Variants in GABRG3 observed in about 807,000 individuals in gnomAD.
GABRG3 encodes the protein gamma-aminobutyric acid receptor subunit gamma-3.
A neutral mutation model predicts 48.8 loss-of-function variants in GABRG3; 25 were observed. The observed-to-expected ratio is 0.51, with a 90% CI of 0.37 to 0.72. The LOEUF is 0.72. GABRG3 is among the 30% of genes least tolerant of loss of function. The probability of loss-of-function intolerance (pLI) is 0.00; values close to 1 mark genes in which losing one functional copy is unlikely to be tolerated. For synonymous variants in GABRG3, 227 were observed against 217.6 expected (o/e 1.04, Z -0.38); for missense variants, 394 against 577.9 (o/e 0.68, Z 3.26).
intron 3 of GABRG3, among the ~76,000 whole-genome samples, chr15:27,300,475 C>T (rs370225267): frequency 6.8e-6 from 1 of 146,942 alleles, no homozygotes; most frequent in Non-Finnish European, 1.5e-5. Flanking sequence ...ACCAGCCTGA[C>T]CAACATGGTG....
At chr15:27,022,704 G>T (rs907851826) in intron 2 of GABRG3, among the ~76,000 whole-genome samples, 1 of 152,028 alleles carries the variant, frequency 6.6e-6, no homozygotes, top group Non-Finnish European at 1.5e-5. Flanking sequence ...AGACAGACCC[G>T]CCCGGCCCTG....
At chr15:27,128,317 G>A (rs1021647774) in intron 3 of GABRG3, among the ~76,000 whole-genome samples, 1 of 152,194 alleles carries the variant, frequency 6.6e-6, no homozygotes, top group African/African-American at 2.4e-5. Flanking sequence ...TGTGGAGGGT[G>A]CTGGATGCCA....
intron 3 of GABRG3, among the ~76,000 whole-genome samples, chr15:27,303,810 G>T (rs1892299356): frequency 6.6e-6 from 1 of 151,108 alleles, no homozygotes; most frequent in South Asian, 2.1e-4. Flanking sequence ...GTGTGTGTGT[G>T]TGTGTATATA....
At chr15:27,444,260 C>T (rs1430743186) in intron 5 of GABRG3, among the ~76,000 whole-genome samples, 1 of 152,030 alleles carries the variant, frequency 6.6e-6, no homozygotes, top group Non-Finnish European at 1.5e-5. Context: ...TCTATTTATT[C>T]AAAAAGTATA....
At chr15:27,128,601 G>A (rs189801364) in intron 3 of GABRG3, among the ~76,000 whole-genome samples, 1 of 152,170 alleles carries the variant, frequency 6.6e-6, no homozygotes, top group Non-Finnish European at 1.5e-5. Context: ...TTTGGATGGG[G>A]CATTGATGAA....
At chr15:27,035,818 G>T (rs1896167439) in intron 3 of GABRG3, among the ~76,000 whole-genome samples, 1 of 152,188 alleles carries the variant, frequency 6.6e-6, no homozygotes, top group Non-Finnish European at 1.5e-5. Flanking sequence ...TGTGGAGAAT[G>T]GCGGTGGGGG....
At chr15:27,478,724 G>GA (rs1369623180) in intron 5 of GABRG3, among the ~76,000 whole-genome samples, 1 of 152,018 alleles carries the variant, frequency 6.6e-6, no homozygotes, top group Non-Finnish European at 1.5e-5. Context: ...TCATAATCGT[G>GA]AAAAAATGGA....
At chr15:27,439,188 G>A (rs1888707612) in intron 5 of GABRG3, among the ~76,000 whole-genome samples, 1 of 152,146 alleles carries the variant, frequency 6.6e-6, no homozygotes, top group South Asian at 2.1e-4. Context: ...CTCCAAACGG[G>A]AGATGAATCA....
At chr15:27,159,041 A>G (rs1898506502) in intron 3 of GABRG3, among the ~76,000 whole-genome samples, 2 of 152,184 alleles carry the variant, frequency 1.3e-5, no homozygotes, top group African/African-American at 4.8e-5. Flanking sequence ...CACTTTGCTT[A>G]TGGCACCTAC....
At chr15:27,348,678 T>A (rs943902279) in intron 5 of GABRG3, among the ~76,000 whole-genome samples, 5 of 152,136 alleles carry the variant, frequency 3.3e-5, no homozygotes, top group African/African-American at 1.2e-4. Flanking sequence ...ATGCAAGCCA[T>A]GACAAGGGAA....
At chr15:27,090,639 T>G (rs775718303) in intron 3 of GABRG3, among the ~76,000 whole-genome samples, 2 of 152,178 alleles carry the variant, frequency 1.3e-5, no homozygotes, top group African/African-American at 4.8e-5. Context: ...ATCTAGGATG[T>G]CTTTCTATTT....
At chr15:27,153,880 A>T (rs1271743192) in intron 3 of GABRG3, among the ~76,000 whole-genome samples, 2 of 152,050 alleles carry the variant, frequency 1.3e-5, no homozygotes, top group Non-Finnish European at 2.9e-5. Context: ...TTCTACTCCG[A>T]TGTTTGCTTT....
intron 3 of GABRG3, among the ~76,000 whole-genome samples, chr15:27,153,969 T>TA (rs1201644186): frequency 6.6e-6 from 1 of 152,212 alleles, no homozygotes; most frequent in African/African-American, 2.4e-5. Context: ...GATACATCAG[T>TA]AACAGGAAGT....
intron 5 of GABRG3, among the ~76,000 whole-genome samples, chr15:27,430,806 A>G (rs1888425454): frequency 6.6e-6 from 1 of 152,006 alleles, no homozygotes; most frequent in Non-Finnish European, 1.5e-5. Context: ...CCTGGCCAAC[A>G]TGCCGAAACC....
chr15:27,283,821 C>T (rs962696323), intron 3 of GABRG3, among the ~76,000 whole-genome samples: 3 of 152,174 alleles, frequency 2.0e-5, no homozygotes, highest in African/African-American at 7.2e-5. Flanking sequence ...CTGCTTTCTT[C>T]TTCTTACCTT....
chr15:27,505,872 A>G, intron 6 of GABRG3, among the ~76,000 whole-genome samples: 1 of 152,216 alleles, frequency 6.6e-6, no homozygotes, highest in East Asian at 1.9e-4. Flanking sequence ...ATAATTTGCT[A>G]GTGAAGCCTT....
intron 3 of GABRG3, among the ~76,000 whole-genome samples, chr15:27,296,869 A>G (rs913287980): frequency 2.7e-4 from 38 of 138,810 alleles, no homozygotes; most frequent in African/African-American, 9.8e-4. Flanking sequence ...TTTTAATTTC[A>G]TTATAAGACA....
intron 2 of GABRG3, among the ~76,000 whole-genome samples, chr15:27,019,113 G>A (rs571346679): frequency 1.6e-3 from 205 of 126,666 alleles, no homozygotes; most frequent in African/African-American, 5.9e-3. Flanking sequence ...CTGTCACCCC[G>A]GCTGGAGTGC....
chr15:27,382,070 C>A (rs1466719076), intron 5 of GABRG3, among the ~76,000 whole-genome samples: 3 of 152,110 alleles, frequency 2.0e-5, no homozygotes, highest in Admixed American at 2.0e-4. Flanking sequence ...ATTAGAGTTG[C>A]ATTGATAAAA....
Sources: allele counts gnomAD v4.1 joint callset (sites outside exome capture counted in the v4.1 genomes callset), GRCh38; gene constraint gnomAD v4.1.1; transcripts MANE v1.5; gene names NCBI Gene and HGNC (gene_info 2026-07-23, HGNC 2026-07-21).